The following MCCC1 variants were observed in gnomAD, a reference collection of about 807,000 sequenced individuals.
MCCC1 encodes methylcrotonyl-CoA carboxylase subunit 1.
A neutral mutation model predicts 83.8 loss-of-function variants in MCCC1; 64 were observed. The ratio of observed to expected loss-of-function variants is 0.76; its 90% CI spans 0.62 to 0.94. The LOEUF is 0.94. Among genes scored for constraint, MCCC1 ranks in the 40% least tolerant of loss-of-function variants. The pLI is 0.00. For missense variants in MCCC1, 807 were observed against 904.7 expected, an observed-to-expected ratio of 0.89 and a Z score of 1.39; for synonymous variants, 322 against 315.4, an observed-to-expected ratio of 1.02 and a Z score of -0.22.
chr3:183,110,742 G>A (rs1158442365), intron 1 of MCCC1, among the ~76,000 whole-genome samples: 1 of 152,106 alleles, frequency 6.6e-6, no homozygotes, highest in Non-Finnish European at 1.5e-5. Context: ...GTATTTTCTA[G>A]GTATTCTTCT....
chr3:183,085,614 G>C (rs1248358416), intron 4 of MCCC1, among the ~76,000 whole-genome samples: 1 of 127,064 alleles, frequency 7.9e-6, no homozygotes, highest in Non-Finnish European at 1.6e-5. Flanking sequence ...GGGCAACAGA[G>C]CAAAGACCCT....
At chr3:183,037,177 C>G in intron 13 of MCCC1, 41 bp downstream of exon 13, 1 of 1,599,266 alleles carries the variant, frequency 6.3e-7, no homozygotes, top group Non-Finnish European at 8.6e-7. Flanking sequence ...TGATGATTTG[C>G]AAAACTTGAC....
At chr3:183,096,267 T>C (rs1718727169) in intron 1 of MCCC1, among the ~76,000 whole-genome samples, 1 of 151,086 alleles carries the variant, frequency 6.6e-6, no homozygotes, top group Non-Finnish European at 1.5e-5. Context: ...ACTTGGGAGG[T>C]GGAGGTTGCA....
At chr3:183,095,282 CA>C (rs370705638) in intron 1 of MCCC1, among the ~76,000 whole-genome samples, 15 of 137,468 alleles carry the variant, frequency 1.1e-4, no homozygotes, top group Admixed American at 4.4e-4. Flanking sequence ...GACTCCGTCT[CA>C]AAAAAAAAAA....
chr3:183,101,056 G>C (rs1466685208), upstream of MCCC1, among the ~76,000 whole-genome samples: 1 of 152,252 alleles, frequency 6.6e-6, no homozygotes, highest in African/African-American at 2.4e-5. Flanking sequence ...TGGCTGCGGA[G>C]GGTGTACTGA....
chr3:183,103,217 G>T (rs895453049), upstream of MCCC1, among the ~76,000 whole-genome samples: 1 of 152,078 alleles, frequency 6.6e-6, no homozygotes, highest in South Asian at 2.1e-4. Context: ...TGGACCCAAA[G>T]AGTGAGCAGC....
chr3:183,098,383 G>A (rs1453061790), intron 1 of MCCC1: 1 of 152,220 alleles, frequency 6.6e-6, no homozygotes, highest in Non-Finnish European at 1.5e-5. Context: ...ACCAGATTGT[G>A]CTTAAACCTC....
intron 10 of MCCC1, among the ~76,000 whole-genome samples, chr3:183,041,992 G>A (rs1174987173): frequency 6.6e-6 from 1 of 152,152 alleles, no homozygotes; most frequent in Non-Finnish European, 1.5e-5. Context: ...GCAAAAGCAG[G>A]CAAAGTGATG....
intron 15 of MCCC1, among the ~76,000 whole-genome samples, chr3:183,024,779 T>A (rs1369693814): frequency 1.3e-5 from 2 of 152,096 alleles, no homozygotes; most frequent in Admixed American, 1.3e-4. Context: ...ATCTAGCAAT[T>A]CCACTGCTGG....
At chr3:183,072,950 T>G (rs1716808480) in intron 4 of MCCC1, among the ~76,000 whole-genome samples, 1 of 152,242 alleles carries the variant, frequency 6.6e-6, no homozygotes. Context: ...ATAATTTGTC[T>G]GAGTTTGGCT....
chr3:183,036,535 TC>T (rs1198312440), intron 13 of MCCC1, among the ~76,000 whole-genome samples: 3 of 129,032 alleles, frequency 2.3e-5, no homozygotes, highest in Non-Finnish European at 5.0e-5. Context: ...GAGATCCATT[TC>T]CTTTTTTTTT....
At chr3:183,075,143 T>C (rs933080210) in intron 4 of MCCC1, among the ~76,000 whole-genome samples, 14 of 152,246 alleles carry the variant, frequency 9.2e-5, no homozygotes, top group Admixed American at 1.3e-4. Flanking sequence ...GCTGATTCAA[T>C]GACTTTGCTA....
chr3:183,024,255 C>CA (rs1304590625), intron 15 of MCCC1, among the ~76,000 whole-genome samples: 20 of 148,472 alleles, frequency 1.3e-4, no homozygotes, highest in East Asian at 7.8e-4. Flanking sequence ...CTTCTCAAAA[C>CA]AAAAAAAAAG....
chr3:183,040,098 GAAAAAAAAAAAAAAAAA>G (rs57389038), intron 11 of MCCC1, among the ~76,000 whole-genome samples: 2 of 34,576 alleles, frequency 5.8e-5, no homozygotes, highest in Admixed American at 5.0e-4. Context: ...CTCCATCTCA[GAAAAAAAAAAAAAAAAA>G]AAAAAAAAAA....
At chr3:183,059,783 T>G (rs1179180740) in intron 7 of MCCC1, among the ~76,000 whole-genome samples, 1 of 152,224 alleles carries the variant, frequency 6.6e-6, no homozygotes, top group Non-Finnish European at 1.5e-5. Flanking sequence ...TACAGAAGAC[T>G]AGGTTAGTAG....
intron 17 of MCCC1, chr3:183,017,857 G>A (rs1711807000): frequency 9.8e-6 from 1 of 102,408 alleles, no homozygotes; most frequent in African/African-American, 3.3e-5. Flanking sequence ...AAATGCACTG[G>A]TCAAATCAGA....
At chr3:183,057,277 G>A in intron 8 of MCCC1, 34 bp downstream of exon 8, 1 of 1,459,624 alleles carries the variant, frequency 6.9e-7, no homozygotes. Flanking sequence ...TCACATTACG[G>A]AGAAGCTTAC....
intron 4 of MCCC1, among the ~76,000 whole-genome samples, chr3:183,077,290 T>A (rs1192902508): frequency 6.6e-6 from 1 of 152,236 alleles, no homozygotes; most frequent in Non-Finnish European, 1.5e-5. Flanking sequence ...AGTAACTCTA[T>A]GTTTAACGTT....
Position 183,037,212 on chromosome 3 carries a change from C to G in MCCC1, c.1594+6G>C, listed in dbSNP as rs777825199. 3.7e-6 allele frequency: 6 copies of G among 1,612,874 alleles called. No individual in the cohort carries two copies. The highest frequency in any genetic ancestry group is 4.2e-6 in the Non-Finnish European group (5 of 1,179,948). ...CAAGCAGAGGAAAGAGAAAAGCCTT[C>G]CATACCATGTGCCTGAAGAGTGAAA... On this transcript the variant is annotated splice_donor_region_variant and intron_variant, in intron 13 of 18. Coordinates refer to ENST00000265594, the MANE Select transcript of MCCC1 (RefSeq NM_020166.5).
Sources: gnomAD v4.1 joint callset for allele counts (sites outside exome capture counted in the v4.1 genomes callset) on GRCh38, gnomAD v4.1.1 for gene constraint, MANE v1.5 for transcripts, NCBI Gene and HGNC (gene_info 2026-07-23, HGNC 2026-07-21) for gene names.